The following TNPO3 variants were observed in gnomAD, a reference collection of about 807,000 sequenced individuals.
TNPO3 encodes the protein transportin-3.
In TNPO3, 65 loss-of-function variants were observed where a neutral mutation model predicts 122.8. That is an observed-to-expected ratio of 0.53 (90% confidence interval 0.43 to 0.65). The LOEUF (loss-of-function observed/expected upper bound fraction) is 0.65, where lower values mean the gene tolerates loss of function less well. TNPO3 is among the 30% of genes least tolerant of loss of function. The pLI is 0.00. For missense variants in TNPO3, 850 were observed against 1,136.7 expected (o/e 0.75, Z 3.63); for synonymous variants, 372 against 411.2 (o/e 0.90, Z 1.15).
intron 1 of TNPO3, among the ~76,000 whole-genome samples, chr7:129,053,978 A>G (rs1209477146): frequency 6.6e-6 from 1 of 152,240 alleles, no homozygotes; most frequent in Non-Finnish European, 1.5e-5. Flanking sequence ...CAGCAGTGAT[A>G]CCCATCTTAT....
At chr7:129,048,543 A>G (rs1808324864) in intron 1 of TNPO3, among the ~76,000 whole-genome samples, 1 of 152,060 alleles carries the variant, frequency 6.6e-6, no homozygotes. Context: ...AAATAAATAA[A>G]CAAAGAGAGC....
chr7:129,021,279 C>T (rs551546012), intron 1 of TNPO3, among the ~76,000 whole-genome samples: 6 of 150,478 alleles, frequency 4.0e-5, no homozygotes, highest in East Asian at 3.9e-4. Context: ...CACTTGAACC[C>T]GGGAGACGGT....
chr7:128,972,665 C>T (rs746519644), intron 18 of TNPO3, 83 bp from the exon 19 acceptor site: 1 of 1,285,816 alleles, frequency 7.8e-7, no homozygotes, highest in Non-Finnish European at 1.1e-6. Flanking sequence ...ACTATGAAGA[C>T]AGTAAAAAAG....
At chr7:129,042,236 A>G (rs565215728) in intron 1 of TNPO3, among the ~76,000 whole-genome samples, 4 of 152,214 alleles carry the variant, frequency 2.6e-5, no homozygotes, top group East Asian at 1.9e-4. Flanking sequence ...GAAAAGTAAC[A>G]TAAGTGTCAG....
intron 1 of TNPO3, among the ~76,000 whole-genome samples, chr7:129,054,118 A>AG (rs980434080): frequency 1.3e-5 from 2 of 152,214 alleles, no homozygotes; most frequent in African/African-American, 4.8e-5. Flanking sequence ...CTCCAAAGCA[A>AG]GGGGAAAACT....
In TNPO3 at chr7:128,957,210, C is replaced by T; in HGVS notation, c.*31+14G>A. On this transcript the variant is annotated intron_variant, in intron 22 of 22. Transcript: ENST00000265388. ...CGACAGTCCGGACAAAAGCTGGGAA[C>T]TATGTATCCTCACCTGGGTGACAGG... 2 of 1,611,012 alleles carry T rather than the reference C, an allele frequency of 1.2e-6. No individual in the cohort carries two copies. The highest frequency in any genetic ancestry group is 2.2e-5 in the South Asian group (2 of 91,032).
rs1401683153 is a variant in TNPO3 at position 128,993,801 on chromosome 7, G to C, written c.1266+6C>G. ...AAAACTGGAAACAATCTCCAAATAG[G>C]CTTACCTGAGCAAAACACTCCATAG... On this transcript the variant is annotated splice_donor_region_variant and intron_variant, in intron 9 of 22. Coordinates refer to ENST00000265388, the MANE Select transcript of TNPO3 (RefSeq NM_012470.4). 1 of 1,609,140 alleles carries C rather than the reference G, an allele frequency of 6.2e-7. No homozygotes were observed.
At chr7:128,979,635 G>A (rs531232038) in intron 15 of TNPO3, among the ~76,000 whole-genome samples, 6 of 152,124 alleles carry the variant, frequency 3.9e-5, no homozygotes, top group Non-Finnish European at 8.8e-5. Context: ...AAGTAGAGGG[G>A]AAGTATGTCA....
chr7:129,013,956 C>G lies in TNPO3; in HGVS notation c.552+1023G>C, dbSNP rs115372549. On this transcript the variant is annotated intron_variant, in intron 4 of 22. Transcript: ENST00000265388. ...AGGTAAAGAGTAGAATGACGGTGAT[C>G]AGAGGCTAGGAAGGGTAACGGGGAG... is the stretch of plus-strand genomic sequence containing the variant. Among the ~76,000 whole-genome samples the G allele has an allele frequency of 5.4e-3, 814 of 152,082 alleles. 7 individuals carry two copies. Among genetic ancestry groups the G allele is most frequent in the African/African-American group, 0.019 (786 of 41,464 alleles).
Position 128,955,122 on chromosome 7 carries a change from T to G in TNPO3, c.*295A>C. 1 of 320,948 alleles carries G rather than the reference T, an allele frequency of 3.1e-6. No homozygotes were observed. The highest frequency in any genetic ancestry group is 2.4e-5 in the South Asian group (1 of 42,510). The allele number at this position is 320,948 out of a possible 1,614,324, so 19.9% of individuals were successfully genotyped here. A position where few individuals can be genotyped will look rare whatever the true frequency, so the allele number is the denominator to read the frequency against. Reference sequence around the variant, plus strand: ...TTTTTTCTTTACTTAAAATTATTTTTCCTTTTAGAAAGTTCACCAGGAAAC... The same window carrying G: ...TTTTTTCTTTACTTAAAATTATTTTGCCTTTTAGAAAGTTCACCAGGAAAC... On this transcript the variant is annotated 3_prime_UTR_variant, in exon 23 of 23. Coordinates refer to ENST00000265388, the MANE Select transcript of TNPO3 (RefSeq NM_012470.4).
At chr7:129,026,038 A>C (rs1805115450) in intron 1 of TNPO3, among the ~76,000 whole-genome samples, 1 of 151,036 alleles carries the variant, frequency 6.6e-6, no homozygotes, top group African/African-American at 2.4e-5. Context: ...AGGCAGGAGA[A>C]TTGCTTGAAC....
intron 18 of TNPO3, among the ~76,000 whole-genome samples, chr7:128,973,873 A>G (rs1338923620): frequency 6.6e-6 from 1 of 150,842 alleles, no homozygotes; most frequent in African/African-American, 2.4e-5. Context: ...ACAAAAAAAA[A>G]GGGTTCAATA....
Position 129,046,757 on chromosome 7 carries a change from G to A in TNPO3, c.120+7894C>T, listed in dbSNP as rs188979795. Among the ~76,000 whole-genome samples, 65 of 152,256 alleles carry A rather than the reference G, an allele frequency of 4.3e-4. 1 individual carries two copies. Among genetic ancestry groups the A allele is most frequent in the Middle Eastern group, 3.4e-3 (1 of 294 alleles). ...GCTGGGGAGGCTTCACAATTATGGC[G>A]GAAGACGAAGGAAGAGCAAAGCGAC... is the stretch of plus-strand genomic sequence containing the variant. On this transcript the variant is annotated intron_variant, in intron 1 of 22. Coordinates refer to ENST00000265388, the MANE Select transcript of TNPO3 (RefSeq NM_012470.4).
At chr7:129,011,304 T>C (rs927550904) in intron 4 of TNPO3, among the ~76,000 whole-genome samples, 1 of 152,192 alleles carries the variant, frequency 6.6e-6, no homozygotes, top group African/African-American at 2.4e-5. Flanking sequence ...ATACAAGGCA[T>C]AGTTACAGAT....
At chr7:129,048,779 T>C (rs1212550148) in intron 1 of TNPO3, among the ~76,000 whole-genome samples, 1 of 151,822 alleles carries the variant, frequency 6.6e-6, no homozygotes, top group African/African-American at 2.4e-5. Flanking sequence ...TAAAGAAAAA[T>C]GTGAGTTATC....
chr7:129,030,941 A>G (rs554447605), intron 1 of TNPO3, among the ~76,000 whole-genome samples: 1 of 152,334 alleles, frequency 6.6e-6, no homozygotes, highest in East Asian at 1.9e-4. Flanking sequence ...AAAGTATTTC[A>G]AAATTAACAA....
rs374350692 is a variant in TNPO3, at chr7:129,015,150, A to T, written c.396-15T>A. On this transcript the variant is annotated splice_polypyrimidine_tract_variant and intron_variant, in intron 3 of 22. Coordinates refer to ENST00000265388, the MANE Select transcript of TNPO3 (RefSeq NM_012470.4). ...CATTGCTGTATCTGCAAAAGAAAAAAGTGGAGATATGTTATTTATAGCCAG... is the reference window on the plus strand; with the variant it reads ...CATTGCTGTATCTGCAAAAGAAAAATGTGGAGATATGTTATTTATAGCCAG... 1 of 1,604,578 alleles carries T rather than the reference A, an allele frequency of 6.2e-7. No homozygotes were observed. Among genetic ancestry groups the T allele is most frequent in the African/African-American group, 1.3e-5 (1 of 74,372 alleles).
In TNPO3 at chr7:129,021,847, T is replaced by TA. The variant is rs1266562227; in HGVS notation, c.121-3691dup. 5.9e-5 allele frequency among the ~76,000 whole-genome samples: 9 copies of TA among 151,858 alleles called. No homozygotes were observed. In the South Asian group the frequency reaches 1.7e-3, roughly 28 times the overall value. On this transcript the variant is annotated intron_variant, in intron 1 of 22. Transcript: ENST00000265388. ...AAATCTCAGGAAAAAAATCAGAAAT[T>TA]AAAAAAATCCCTTCAGAGATAAAGA...
At chr7:129,017,888 C>A in intron 2 of TNPO3, 69 bp downstream of exon 2, 1 of 1,492,830 alleles carries the variant, frequency 6.7e-7, no homozygotes, top group African/African-American at 1.4e-5. Context: ...CCTAGCAATA[C>A]GAATTAAAAC....
Sources: allele counts gnomAD v4.1 joint callset (sites outside exome capture counted in the v4.1 genomes callset), GRCh38; gene constraint gnomAD v4.1.1; transcripts MANE v1.5; gene names NCBI Gene and HGNC (gene_info 2026-07-23, HGNC 2026-07-21).